CHST9: variants seen among roughly 807,000 people sequenced by gnomAD.
CHST9 encodes the protein carbohydrate sulfotransferase 9, also known as GalNAc-4-sulfotransferase 2.
In CHST9, 41 loss-of-function variants were observed where a neutral mutation model predicts 44.4. That is an observed-to-expected ratio of 0.92 (90% confidence interval 0.72 to 1.20). The LOEUF (loss-of-function observed/expected upper bound fraction) is 1.20, where lower values mean the gene tolerates loss of function less well. CHST9 is among the 50% of genes most tolerant of loss of function. The pLI is 0.00. For missense variants in CHST9, 504 were observed against 516.5 expected (o/e 0.98, Z 0.23); for synonymous variants, 171 against 178.4 (o/e 0.96, Z 0.33).
intron 3 of CHST9, among the ~76,000 whole-genome samples, chr18:27,033,864 C>T (rs987451107): frequency 1.3e-5 from 2 of 152,200 alleles, no homozygotes; most frequent in Non-Finnish European, 2.9e-5. Context: ...TCCAAACATG[C>T]TCCGGCTCCT....
At chr18:27,011,464 A>C (rs2057083765) in intron 4 of CHST9, among the ~76,000 whole-genome samples, 1 of 152,158 alleles carries the variant, frequency 6.6e-6, no homozygotes, top group South Asian at 2.1e-4. Flanking sequence ...AGCCATTCTC[A>C]GGCTGGGGAA....
chr18:26,950,760 T>C (rs370721315), intron 4 of CHST9, among the ~76,000 whole-genome samples: 1 of 152,112 alleles, frequency 6.6e-6, no homozygotes. Context: ...AGACAACATA[T>C]GGGGTACCGT....
chr18:27,157,524 G>A (rs1484094236), intron 1 of CHST9, among the ~76,000 whole-genome samples: 1 of 152,054 alleles, frequency 6.6e-6, no homozygotes, highest in Non-Finnish European at 1.5e-5. Flanking sequence ...GAAATAGCAT[G>A]GACTAAAACA....
Position 26,992,410 on chromosome 18 carries a change from G to GC in CHST9, c.202+31705dup, listed in dbSNP as rs1568124173. Among the ~76,000 whole-genome samples the GC allele has an allele frequency of 4.6e-5, 7 of 152,228 alleles. No individual in the cohort carries two copies. In the South Asian group the frequency reaches 1.5e-3, roughly 32 times the overall value. On this transcript the variant is annotated intron_variant, in intron 4 of 5. Transcript: ENST00000618847. ...TTTACCACTGAAGCTCCTGAGCCTA[G>GC]CGCAGTTCCTGATACCAAGCAGAAG... is the stretch of plus-strand genomic sequence containing the variant.
rs2057336385 is a variant in CHST9, at chr18:27,031,135, T to A, written c.161-6978A>T. On this transcript the variant is annotated intron_variant, in intron 3 of 5. Transcript: ENST00000618847. ...CCATACTATTTCTCTCTCTCAATTA[T>A]TTCACTCTCACCTATACTTGATTCA... 2.0e-5 allele frequency among the ~76,000 whole-genome samples: 3 copies of A among 152,348 alleles called. No homozygotes were observed. The South Asian group carries it at 6.2e-4, about 32-fold the overall frequency.
At chr18:26,958,259 T>C (rs1239955936) in intron 4 of CHST9, among the ~76,000 whole-genome samples, 1 of 152,056 alleles carries the variant, frequency 6.6e-6, no homozygotes, top group African/African-American at 2.4e-5. Context: ...CTGGCTTTTG[T>C]TTTGTCTTTA....
chr18:26,931,543 C>A (rs1177122836), intron 5 of CHST9, among the ~76,000 whole-genome samples: 1 of 152,220 alleles, frequency 6.6e-6, no homozygotes, highest in Non-Finnish European at 1.5e-5. Context: ...TCTTGTCTCA[C>A]CTGTGACTCA....
chr18:27,126,403 T>C (rs2058424375), intron 2 of CHST9, among the ~76,000 whole-genome samples: 2 of 152,138 alleles, frequency 1.3e-5, no homozygotes, highest in Admixed American at 6.5e-5. Context: ...TTGAGTGTGA[T>C]AAGGATGATA....
At chr18:27,027,941 C>A (rs1175736557) in intron 3 of CHST9, among the ~76,000 whole-genome samples, 1 of 152,008 alleles carries the variant, frequency 6.6e-6, no homozygotes, top group Non-Finnish European at 1.5e-5. Flanking sequence ...GCTCTGTTGC[C>A]CAAGCAGGAA....
At chr18:26,920,641 T>C (rs1329954232) in intron 5 of CHST9, among the ~76,000 whole-genome samples, 6 of 152,240 alleles carry the variant, frequency 3.9e-5, no homozygotes, top group African/African-American at 1.4e-4. Flanking sequence ...AATGTGCTTC[T>C]AATTTAATAG....
intron 1 of CHST9, among the ~76,000 whole-genome samples, chr18:27,153,186 G>A (rs2058671521): frequency 6.6e-6 from 1 of 152,138 alleles, no homozygotes; most frequent in Non-Finnish European, 1.5e-5. Context: ...CTGAAATAGT[G>A]TAATCCCAAC....
chr18:27,087,196 C>G (rs769345392), intron 2 of CHST9, among the ~76,000 whole-genome samples: 5 of 152,104 alleles, frequency 3.3e-5, no homozygotes, highest in African/African-American at 4.8e-5. Context: ...TATTCTCTTT[C>G]CTAGAGCCCC....
At chr18:26,984,580 AT>A (rs2056731832) in intron 4 of CHST9, among the ~76,000 whole-genome samples, 1 of 152,194 alleles carries the variant, frequency 6.6e-6, no homozygotes, top group South Asian at 2.1e-4. Context: ...TAAAAGGAAA[AT>A]TTATCAATAA....
At chr18:27,051,959 C>A (rs1019999096) in intron 2 of CHST9, among the ~76,000 whole-genome samples, 6 of 152,068 alleles carry the variant, frequency 3.9e-5, no homozygotes, top group Non-Finnish European at 8.8e-5. Context: ...GAGGATGAAA[C>A]AATTCCATAT....
At chr18:27,046,778 C>T (rs561832594) in intron 3 of CHST9, among the ~76,000 whole-genome samples, 1 of 151,964 alleles carries the variant, frequency 6.6e-6, no homozygotes, top group Non-Finnish European at 1.5e-5. Context: ...ATTAGGAGCC[C>T]CCTAACATTC....
At chr18:26,970,770 C>A (rs1395335366) in intron 4 of CHST9, among the ~76,000 whole-genome samples, 1 of 152,290 alleles carries the variant, frequency 6.6e-6, no homozygotes, top group Non-Finnish European at 1.5e-5. Flanking sequence ...AATAAGGAAA[C>A]TGAAGCATGG....
rs542210343 is a variant in CHST9 at position 26,925,027 on chromosome 18, G to A, written c.241-7677C>T. On this transcript the variant is annotated intron_variant, in intron 5 of 5. Transcript: ENST00000618847. ...AGACAGACTTGGTCCCTGATCTTACGGAGCATCCTTGTGGTCAGGGTGGGG... is the reference window on the plus strand; with the variant it reads ...AGACAGACTTGGTCCCTGATCTTACAGAGCATCCTTGTGGTCAGGGTGGGG... Among the ~76,000 whole-genome samples the A allele has an allele frequency of 3.1e-4, 47 of 151,700 alleles. 2 individuals are homozygous for A. In the South Asian group the frequency reaches 7.7e-3, roughly 25 times the overall value.
chr18:26,912,374 TACACACACACACACAC>T lies in CHST9; in HGVS notation c.*3869_*3884del, dbSNP rs56288802. 8.5e-5 allele frequency: 10 copies of T among 117,254 alleles called. No homozygotes were observed. The South Asian group carries it at 2.8e-3, about 33-fold the overall frequency. 7.3% of individuals were successfully genotyped at this position (117,254 alleles called of 1,614,324 possible). ...GAAATGTGATAACTAACTAGCTAAA[TACACACACACACACAC>T]ACACACACACACACACACACACAGA... On this transcript the variant is annotated 3_prime_UTR_variant, in exon 6 of 6. Coordinates refer to ENST00000618847, the MANE Select transcript of CHST9 (RefSeq NM_031422.6).
chr18:27,024,112 T>G lies in CHST9; in HGVS notation c.202+4A>C, dbSNP rs1406101659. On this transcript the variant is annotated splice_donor_region_variant and intron_variant, in intron 4 of 5. Coordinates refer to ENST00000618847, the MANE Select transcript of CHST9 (RefSeq NM_031422.6). Reference sequence around the variant, plus strand: ...GATTCAAACATTATGAGGAAGTTACTCACTGATTCTGGGTACAGGCCGCAA... The same window carrying G: ...GATTCAAACATTATGAGGAAGTTACGCACTGATTCTGGGTACAGGCCGCAA... The G allele has an allele frequency of 6.2e-7, 1 of 1,611,888 alleles. No homozygotes were observed. The highest frequency in any genetic ancestry group is 8.5e-7 in the Non-Finnish European group (1 of 1,178,982).
Sources: gnomAD v4.1 joint callset for allele counts (sites outside exome capture counted in the v4.1 genomes callset) on GRCh38, gnomAD v4.1.1 for gene constraint, MANE v1.5 for transcripts, NCBI Gene and HGNC (gene_info 2026-07-23, HGNC 2026-07-21) for gene names.